Variants in ENTREP2 observed in about 807,000 individuals in gnomAD.
ENTREP2 encodes endosomal transmembrane epsin interactor 2.
chr15:29,158,405 CTTTTT>C, the ENTREP2 span, among the ~76,000 whole-genome samples: 3 of 133,154 alleles, frequency 2.3e-5, no homozygotes, highest in Admixed American at 7.4e-5. Flanking sequence ...TTATCTCTGC[CTTTTT>C]TTTTTTTTTT....
At chr15:29,493,337 T>G in the ENTREP2 span, among the ~76,000 whole-genome samples, 5 of 150,404 alleles carry the variant, frequency 3.3e-5, no homozygotes, top group Non-Finnish European at 3.0e-5. Context: ...GTTTCACCGT[T>G]TTAGCCGGGA....
the ENTREP2 span, among the ~76,000 whole-genome samples, chr15:29,594,523 G>T: frequency 6.6e-6 from 1 of 152,082 alleles, no homozygotes; most frequent in Non-Finnish European, 1.5e-5. Flanking sequence ...TATAAGAATC[G>T]ATGTTTTCGT....
chr15:29,301,563 T>G, the ENTREP2 span, among the ~76,000 whole-genome samples: 4 of 152,208 alleles, frequency 2.6e-5, no homozygotes, highest in Non-Finnish European at 5.9e-5. Context: ...TCTGATTCTG[T>G]GTCTCCAGAT....
the ENTREP2 span, among the ~76,000 whole-genome samples, chr15:29,467,596 C>T: frequency 6.6e-6 from 1 of 152,282 alleles, no homozygotes; most frequent in African/African-American, 2.4e-5. Flanking sequence ...GTTATAGGCC[C>T]TTCCAAGGCT....
At chr15:29,332,991 G>A in the ENTREP2 span, among the ~76,000 whole-genome samples, 4 of 150,804 alleles carry the variant, frequency 2.7e-5, no homozygotes, top group Non-Finnish European at 5.9e-5. Context: ...CTTTATACTC[G>A]GACTTTAAGC....
the ENTREP2 span, among the ~76,000 whole-genome samples, chr15:29,615,219 G>A: frequency 1.3e-5 from 2 of 150,794 alleles, no homozygotes; most frequent in Non-Finnish European, 1.5e-5. Context: ...GTAATGGTGC[G>A]ATCTCAGCTC....
At chr15:29,576,877 G>A in the ENTREP2 span, among the ~76,000 whole-genome samples, 5 of 152,206 alleles carry the variant, frequency 3.3e-5, no homozygotes, top group South Asian at 2.1e-4. Flanking sequence ...GCGTGATCTC[G>A]GCTCACTGCA....
the ENTREP2 span, chr15:29,128,937 GGC>G: frequency 9.6e-7 from 1 of 1,045,248 alleles, no homozygotes; most frequent in South Asian, 1.5e-5. Flanking sequence ...CAGTAGTGTA[GGC>G]GCTTAAACTT....
the ENTREP2 span, among the ~76,000 whole-genome samples, chr15:29,669,169 C>T: frequency 5.9e-5 from 9 of 152,298 alleles, no homozygotes; most frequent in Non-Finnish European, 1.3e-4. Flanking sequence ...GATTGCGCCG[C>T]TGAACTCCAG....
the ENTREP2 span, among the ~76,000 whole-genome samples, chr15:29,315,032 C>T: frequency 6.6e-6 from 1 of 152,076 alleles, no homozygotes; most frequent in Non-Finnish European, 1.5e-5. Flanking sequence ...AGCCTGGTGA[C>T]AGAGCGAGAC....
the ENTREP2 span, among the ~76,000 whole-genome samples, chr15:29,300,739 C>T: frequency 1.3e-5 from 2 of 152,072 alleles, no homozygotes; most frequent in African/African-American, 4.8e-5. Flanking sequence ...GCTGGGACTA[C>T]AGGCACCTGC....
chr15:29,255,409 C>T, the ENTREP2 span, among the ~76,000 whole-genome samples: 101 of 152,272 alleles, frequency 6.6e-4, no homozygotes, highest in Admixed American at 1.5e-3. Context: ...AACACTTATA[C>T]ACTGTTGGTG....
chr15:29,641,688 C>T, the ENTREP2 span, among the ~76,000 whole-genome samples: 4 of 151,822 alleles, frequency 2.6e-5, no homozygotes, highest in African/African-American at 9.7e-5. Context: ...AAAAATTAGC[C>T]GGGCATGGTG....
the ENTREP2 span, among the ~76,000 whole-genome samples, chr15:29,539,930 G>A: frequency 2.6e-5 from 4 of 152,060 alleles, no homozygotes; most frequent in African/African-American, 4.8e-5. Context: ...AGCTGCAAAC[G>A]TGGCCACCAA....
At chr15:29,425,585 C>G in the ENTREP2 span, among the ~76,000 whole-genome samples, 1 of 152,172 alleles carries the variant, frequency 6.6e-6, no homozygotes, top group South Asian at 2.1e-4. Flanking sequence ...TAAGTAACAC[C>G]TTTAGCGTGG....
At chr15:29,303,942 G>A in the ENTREP2 span, among the ~76,000 whole-genome samples, 7 of 152,004 alleles carry the variant, frequency 4.6e-5, no homozygotes, top group Non-Finnish European at 7.4e-5. Context: ...ATGCAGTGGC[G>A]TGATCTCGGC....
the ENTREP2 span, among the ~76,000 whole-genome samples, chr15:29,436,839 T>G: frequency 6.6e-6 from 1 of 152,230 alleles, no homozygotes; most frequent in African/African-American, 2.4e-5. Flanking sequence ...AACGTATCTG[T>G]AACATTACGG....
chr15:29,362,476 G>A, the ENTREP2 span, among the ~76,000 whole-genome samples: 1 of 145,538 alleles, frequency 6.9e-6, no homozygotes, highest in African/African-American at 2.6e-5. Flanking sequence ...CCGGGTTCAA[G>A]AGATTCTCCT....
At chr15:29,427,781 C>A in the ENTREP2 span, among the ~76,000 whole-genome samples, 1 of 152,140 alleles carries the variant, frequency 6.6e-6, no homozygotes, top group Non-Finnish European at 1.5e-5. Flanking sequence ...TAGGTTCCAG[C>A]GATTAGGAAG....
Sources: allele counts gnomAD v4.1 joint callset (sites outside exome capture counted in the v4.1 genomes callset), GRCh38; gene constraint gnomAD v4.1.1; transcripts MANE v1.5; gene names NCBI Gene and HGNC (gene_info 2026-07-23, HGNC 2026-07-21).